RAB23: variants seen among roughly 807,000 people sequenced by gnomAD.
The protein encoded by RAB23 is RAB23, member RAS oncogene family, also known as ras-related protein Rab-23.
A neutral mutation model predicts 30.0 loss-of-function variants in RAB23; 15 were observed. The observed-to-expected ratio is 0.50, with a 90% CI of 0.33 to 0.77. The LOEUF (loss-of-function observed/expected upper bound fraction) is 0.77. Among genes scored for constraint, RAB23 ranks in the 30% least tolerant of loss-of-function variants. The pLI is 0.02. For synonymous variants in RAB23, 93 were observed against 94.0 expected (o/e 0.99, Z 0.06); for missense variants, 243 against 275.4 (o/e 0.88, Z 0.83).
At chr6:57,209,933 T>A (rs769472110) in intron 2 of RAB23, among the ~76,000 whole-genome samples, 2 of 151,626 alleles carry the variant, frequency 1.3e-5, no homozygotes, top group African/African-American at 4.9e-5. Flanking sequence ...GGAGTCAGCA[T>A]CAGTTTGTGT....
chr6:57,222,177 T>C lies in RAB23; in HGVS notation c.-517A>G, dbSNP rs972722223. 6.6e-6 allele frequency: 1 copy of C among 152,246 alleles called. No homozygotes were observed. Among genetic ancestry groups the C allele is most frequent in the Non-Finnish European group, 1.5e-5 (1 of 68,060 alleles). The allele number at this position is 152,246 out of a possible 1,614,324, so 9.4% of individuals were successfully genotyped here. On this transcript the variant is annotated 5_prime_UTR_variant, in exon 1 of 7. The change creates a new upstream start codon in the 5' untranslated region. Transcript: ENST00000468148. ...CCTCTTTCGCTCTCTTAAGAATGATTATGATTTTTAAACGAACTTTATTAG... is the reference window on the plus strand; with the variant it reads ...CCTCTTTCGCTCTCTTAAGAATGATCATGATTTTTAAACGAACTTTATTAG...
intron 1 of RAB23, chr6:57,221,346 T>G (rs1478130579): frequency 6.6e-6 from 1 of 152,306 alleles, no homozygotes; most frequent in African/African-American, 2.4e-5. Context: ...TTCTTACTCC[T>G]GGGAACTGCC....
rs1221714796 is a variant in RAB23, at chr6:57,193,941, T to C, written c.482-7A>G. On this transcript the variant is annotated splice_region_variant and splice_polypyrimidine_tract_variant and intron_variant, in intron 5 of 6. Transcript: ENST00000468148. ...TCAGCCAAATACTTAAAAACTAGAA[T>C]AAAAAGAAAACACCCAGAACCAGGT... is the stretch of plus-strand genomic sequence containing the variant. The C allele has an allele frequency of 6.2e-7, 1 of 1,610,326 alleles. No individual in the cohort carries two copies. Among genetic ancestry groups the C allele is most frequent in the African/African-American group, 1.3e-5 (1 of 74,944 alleles).
intron 1 of RAB23, 132 bp from the exon 2 acceptor site, chr6:57,210,577 A>G: frequency 3.1e-6 from 2 of 634,952 alleles, no homozygotes; most frequent in Non-Finnish European, 2.7e-6. Context: ...CACTCTCTTT[A>G]GATAATGTAA....
At chr6:57,216,596 G>C (rs923015757) in intron 1 of RAB23, among the ~76,000 whole-genome samples, 1 of 152,182 alleles carries the variant, frequency 6.6e-6, no homozygotes, top group Non-Finnish European at 1.5e-5. Context: ...TCAAGGGTGA[G>C]CCGACAGAGT....
At chr6:57,198,347 T>C (rs1387039367) in intron 3 of RAB23, among the ~76,000 whole-genome samples, 2 of 152,172 alleles carry the variant, frequency 1.3e-5, no homozygotes, top group African/African-American at 4.8e-5. Context: ...ACCCCGTCTC[T>C]ACTAAAAATA....
intron 3 of RAB23, among the ~76,000 whole-genome samples, chr6:57,197,747 T>C (rs1033606998): frequency 2.0e-5 from 3 of 152,196 alleles, no homozygotes; most frequent in Non-Finnish European, 2.9e-5. Context: ...TTTTGTTTTC[T>C]GGTTTTCTTG....
chr6:57,216,674 C>T lies in RAB23; in HGVS notation c.-66+5052G>A, dbSNP rs149489264. ...GTGGCTGCTCCATAGACAGAGCGGC[C>T]CTGAGGGCTGGTGGTTGGTTATTTT... On this transcript the variant is annotated intron_variant, in intron 1 of 6. Transcript: ENST00000468148. 6.3e-4 allele frequency among the ~76,000 whole-genome samples: 95 copies of T among 151,734 alleles called. 1 individual carries two copies. The East Asian group carries it at 0.017, about 27-fold the overall frequency.
In RAB23 at chr6:57,188,454, G is replaced by A. The variant is rs1040936985; in HGVS notation, c.*2007C>T. On this transcript the variant is annotated 3_prime_UTR_variant, in exon 7 of 7. Coordinates refer to ENST00000468148, the MANE Select transcript of RAB23 (RefSeq NM_016277.5). The stretch of plus-strand genomic sequence containing the variant: ...TTTTTTAAATATAGAAAGGTAACAC[G>A]CTTTTAGCCACACAGCTAACATGAA... The A allele has an allele frequency of 6.6e-6, 1 of 152,010 alleles. No homozygotes were observed. The highest frequency in any genetic ancestry group is 2.4e-5 in the African/African-American group (1 of 41,400). The allele number at this position is 152,010 out of a possible 1,614,324, so 9.4% of individuals were successfully genotyped here. A position where few individuals can be genotyped will look rare whatever the true frequency, so the allele number is the denominator to read the frequency against.
intron 1 of RAB23, among the ~76,000 whole-genome samples, chr6:57,218,612 G>A (rs1478039805): frequency 6.6e-6 from 1 of 152,154 alleles, no homozygotes. Context: ...AGCACTTTGG[G>A]AGGCCAAGTC....
At position 57,196,650 on chromosome 6, in the gene RAB23, A is replaced by G. The variant is rs367959409; in HGVS notation, c.242-44T>C. 42 of 1,588,686 alleles carry G rather than the reference A, an allele frequency of 2.6e-5. No homozygotes were observed. The African/African-American group carries it at 5.1e-4, about 19-fold the overall frequency. Reference sequence around the variant, plus strand: ...TCAATCAATCAATCAAGGTATTTACATTAACATATTACATTTACATTAAGA... The same window carrying G: ...TCAATCAATCAATCAAGGTATTTACGTTAACATATTACATTTACATTAAGA... On this transcript the variant is annotated intron_variant, in intron 3 of 6. Coordinates refer to ENST00000468148, the MANE Select transcript of RAB23 (RefSeq NM_016277.5).
Position 57,212,287 on chromosome 6 carries a change from G to C in RAB23, c.-65-1842C>G, listed in dbSNP as rs1313307904. ...CAACATGGATCCTCTTTGGTCTGGG[G>C]CTCCCCATCAGACTAGCTGAGATTT... On this transcript the variant is annotated intron_variant, in intron 1 of 6. Coordinates refer to ENST00000468148, the MANE Select transcript of RAB23 (RefSeq NM_016277.5). Among the ~76,000 whole-genome samples, 4 of 152,202 alleles carry C rather than the reference G, an allele frequency of 2.6e-5. No individual in the cohort carries two copies. In the South Asian group the frequency reaches 8.3e-4, roughly 32 times the overall value.
At chr6:57,202,011 C>T (rs1336652772) in intron 3 of RAB23, among the ~76,000 whole-genome samples, 1 of 152,166 alleles carries the variant, frequency 6.6e-6, no homozygotes, top group Non-Finnish European at 1.5e-5. Flanking sequence ...TACCTTTGAG[C>T]AATGGCTTTG....
intron 3 of RAB23, among the ~76,000 whole-genome samples, chr6:57,206,367 TG>T (rs1407068901): frequency 6.6e-6 from 1 of 152,066 alleles, no homozygotes; most frequent in Admixed American, 6.6e-5. Flanking sequence ...CCACCAGTAG[TG>T]GTCAGGGAGT....
At chr6:57,216,975 A>G (rs1183663552) in intron 1 of RAB23, among the ~76,000 whole-genome samples, 1 of 152,204 alleles carries the variant, frequency 6.6e-6, no homozygotes, top group East Asian at 1.9e-4. Context: ...TCTTTACTGC[A>G]TCCTGTTTTG....
chr6:57,213,225 C>T (rs767875219), intron 1 of RAB23, among the ~76,000 whole-genome samples: 1 of 152,144 alleles, frequency 6.6e-6, no homozygotes, highest in Non-Finnish European at 1.5e-5. Flanking sequence ...GGAGCTCAGG[C>T]GGTAATGCTC....
intron 1 of RAB23, among the ~76,000 whole-genome samples, chr6:57,210,993 CATGTG>C (rs1412646774): frequency 6.6e-6 from 1 of 152,248 alleles, no homozygotes; most frequent in Non-Finnish European, 1.5e-5. Context: ...CCATACCTGA[CATGTG>C]ATAGGTCACA....
intron 2 of RAB23, among the ~76,000 whole-genome samples, chr6:57,207,962 G>T (rs192912299): frequency 2.0e-5 from 3 of 152,224 alleles, no homozygotes; most frequent in African/African-American, 7.2e-5. Context: ...CTCATAAGCT[G>T]AACTATTATA....
At chr6:57,205,211 T>G in intron 3 of RAB23, among the ~76,000 whole-genome samples, 1 of 151,522 alleles carries the variant, frequency 6.6e-6, no homozygotes, top group East Asian at 1.9e-4. Context: ...ACACATATAT[T>G]AAGTGTGTGT....
Sources: allele counts gnomAD v4.1 joint callset (sites outside exome capture counted in the v4.1 genomes callset), GRCh38; gene constraint gnomAD v4.1.1; transcripts MANE v1.5; gene names NCBI Gene and HGNC (gene_info 2026-07-23, HGNC 2026-07-21).